MYH14: variants seen among roughly 807,000 people sequenced by gnomAD.
MYH14 encodes the protein myosin-14.
A neutral mutation model predicts 255.5 loss-of-function variants in MYH14; 123 were observed. That is an observed-to-expected ratio of 0.48 (90% CI 0.42 to 0.56). The LOEUF (loss-of-function observed/expected upper bound fraction) is 0.56, where lower values mean the gene tolerates loss of function less well. Among genes scored for constraint, MYH14 ranks in the 20% least tolerant of loss-of-function variants. The probability of loss-of-function intolerance (pLI) is 0.00; values close to 1 mark genes in which losing one functional copy is unlikely to be tolerated. For synonymous variants in MYH14, 1,095 were observed against 1,161.2 expected (o/e 0.94, Z 1.16); for missense variants, 2,423 against 2,802.3 (o/e 0.86, Z 3.06).
chr19:50,278,379 C>G, intron 30 of MYH14, 90 bp downstream of exon 30: 1 of 944,206 alleles, frequency 1.1e-6, no homozygotes, highest in Admixed American at 2.9e-5. Context: ...CCATATCAAA[C>G]CAATTGTCTC....
chr19:50,297,491 C>CTTTTTTTTT lies in MYH14; in HGVS notation c.5469+3819_5469+3827dup, dbSNP rs869049808. On this transcript the variant is annotated intron_variant, in intron 39 of 42. Coordinates refer to ENST00000642316, the MANE Select transcript of MYH14 (RefSeq NM_001145809.2). ...TCTTTGTGGCTCTGTCTCATCTCCT[C>CTTTTTTTTT]TTTTTTTTTTTTTTTTTTTTTTTGA... 2.0e-3 allele frequency among the ~76,000 whole-genome samples: 145 copies of CTTTTTTTTT among 74,344 alleles called. 23 individuals are homozygous for CTTTTTTTTT. The highest frequency in any genetic ancestry group is 6.1e-3 in the Admixed American group (26 of 4,290). 48.8% of individuals were successfully genotyped at this position (74,344 alleles called of 152,430 possible). A position where few individuals can be genotyped will look rare whatever the true frequency, so the allele number is the denominator to read the frequency against.
chr19:50,244,218 T>A, intron 10 of MYH14, 24 bp from the exon 11 acceptor site: 1 of 1,609,344 alleles, frequency 6.2e-7, no homozygotes, highest in Non-Finnish European at 8.5e-7. Flanking sequence ...GAGCCACACG[T>A]GACCTCTGTC....
At chr19:50,294,433 AATTT>A (rs1568549261) in intron 39 of MYH14, among the ~76,000 whole-genome samples, 3 of 106,106 alleles carry the variant, frequency 2.8e-5, no homozygotes, top group African/African-American at 8.9e-5. Flanking sequence ...GTTTTTTTCT[AATTT>A]TTTTTTTTTT....
chr19:50,208,959 G>C (rs1372460464), intron 1 of MYH14, among the ~76,000 whole-genome samples: 2 of 151,978 alleles, frequency 1.3e-5, no homozygotes, highest in East Asian at 3.9e-4. Context: ...TTTGAGACCA[G>C]TCTGGGCAAC....
chr19:50,217,031 G>A (rs555275025), intron 2 of MYH14, among the ~76,000 whole-genome samples: 12 of 151,864 alleles, frequency 7.9e-5, no homozygotes, highest in African/African-American at 2.2e-4. Context: ...GGCTGGGCTC[G>A]AACTCCTGAC....
chr19:50,309,135 A>G lies in MYH14; in HGVS notation c.5918A>G (p.Glu1973Gly). The G allele has an allele frequency of 6.2e-7, 1 of 1,613,886 alleles. No homozygotes were observed. The highest frequency in any genetic ancestry group is 8.5e-7 in the Non-Finnish European group (1 of 1,179,824). Residue 1973 changes from glutamate (E) to glycine (G), a missense_variant, in exon 42 of 43, where the codon GAG (glutamate) becomes GGG (glycine). Around this residue, in one of 3 missense-constraint regions of MYH14, gnomAD observed 1,513 missense variants for 1,674.8 expected, o/e 0.90. Coordinates refer to ENST00000642316, the MANE Select transcript of MYH14 (RefSeq NM_001145809.2). ...CTGGAAGATGTCACAGAGTCGGCCG[A>G]GTCCATGAACCGTGAAGTGACCACA... is the stretch of plus-strand genomic sequence containing the variant. ...RELEDVTESA[E>G]SMNREVTTLR...
chr19:50,279,501 C>A (rs146718688), intron 30 of MYH14, among the ~76,000 whole-genome samples: 1 of 152,010 alleles, frequency 6.6e-6, no homozygotes, highest in African/African-American at 2.4e-5. Flanking sequence ...GGTGTGGTGG[C>A]GCATGCCTGT....
chr19:50,274,668 C>A (rs911422900), intron 27 of MYH14, among the ~76,000 whole-genome samples: 2 of 152,272 alleles, frequency 1.3e-5, no homozygotes, highest in South Asian at 4.1e-4. Flanking sequence ...CAGTGACTCA[C>A]GCCATAATCC....
Position 50,310,307 on chromosome 19 carries a change from C to G in MYH14, c.*517C>G, listed in dbSNP as rs947914355. Reference sequence around the variant, plus strand: ...CTCTACGTAGCCACTCTCCTTCCCCCATTTCTGCGTCCACCCCTGAACTCC... The same window carrying G: ...CTCTACGTAGCCACTCTCCTTCCCCGATTTCTGCGTCCACCCCTGAACTCC... On this transcript the variant is annotated 3_prime_UTR_variant, in exon 43 of 43. Coordinates refer to ENST00000642316, the MANE Select transcript of MYH14 (RefSeq NM_001145809.2). 5.7e-6 allele frequency: 1 copy of G among 174,196 alleles called. No homozygotes were observed. The highest frequency in any genetic ancestry group is 1.2e-5 in the Non-Finnish European group (1 of 83,332). 10.8% of individuals were successfully genotyped at this position (174,196 alleles called of 1,614,324 possible).
Position 50,230,559 on chromosome 19 carries a change from C to T in MYH14, c.909C>T (p.Ala303=), listed in dbSNP as rs199682956. The T allele has an allele frequency of 1.1e-4, 166 of 1,570,978 alleles. 1 individual carries two copies. The East Asian group carries it at 3.9e-3, about 37-fold the overall frequency. The change falls in exon 9 of 43, where the codon GCC becomes GCT. Residue 303 remains alanine (A), a synonymous_variant. Transcript: ENST00000642316. The surrounding 1 kb of genome is among the most constrained non-coding windows in gnomAD (Gnocchi z 4.7). ...AGAAGTCGCGGGCCATCCGCCAGGC[C>T]AAGGACGAGTGCAGCTTCCACATCT... The part of the protein sequence containing the change: ...LLEKSRAIRQ[A]KDECSFHIFY...
In MYH14 at chr19:50,249,075, G is replaced by A. The variant is rs199812021; in HGVS notation, c.1418G>A (p.Arg473His). ...CTGCGCCTCAACCGGGCCTTGGACC[G>A]CAGCCCCCGCCAAGGCGCCTCCTTC... ...LVLRLNRALD[R>H]SPRQGASFLG... is the part of the protein sequence containing the mutation. The change falls in exon 13 of 43, where the codon CGC becomes CAC. Residue 473 changes from arginine (R) to histidine (H), a missense_variant. By Grantham distance (29) the Arg-to-His change is conservative. Around this residue, in one of 3 missense-constraint regions of MYH14, gnomAD observed 672 missense variants for 881.8 expected, o/e 0.76. Transcript: ENST00000642316. 2.1e-5 allele frequency: 34 copies of A among 1,606,432 alleles called. No individual in the cohort carries two copies. The highest frequency in any genetic ancestry group is 4.5e-5 in the South Asian group (4 of 89,486).
rs2034343222 is a variant in MYH14, at chr19:50,250,807, G to C, written c.1830+119G>C. On this transcript the variant is annotated intron_variant, in intron 15 of 42. Transcript: ENST00000642316. This position sits in a 1 kb window ranked among gnomAD's most constrained non-coding sequence, Gnocchi z 5.4. ...GGTCCTCCTGAGGTCCAGACAAACA[G>C]AGCAGGGGCTAGGAGAGCCCAGGGA... 2 of 1,088,792 alleles carry C rather than the reference G, an allele frequency of 1.8e-6. No homozygotes were observed. The highest frequency in any genetic ancestry group is 2.5e-5 in the Admixed American group (1 of 40,710). The allele number at this position is 1,088,792 out of a possible 1,614,324, so 67.4% of individuals were successfully genotyped here.
intron 10 of MYH14, among the ~76,000 whole-genome samples, chr19:50,238,618 A>G (rs2123263975): frequency 6.6e-6 from 1 of 151,936 alleles, no homozygotes; most frequent in African/African-American, 2.4e-5. Context: ...CACCCAGCTT[A>G]TATTTTGCAT....
intron 1 of MYH14, among the ~76,000 whole-genome samples, chr19:50,204,794 C>T (rs2123130768): frequency 6.6e-6 from 1 of 152,110 alleles, no homozygotes; most frequent in South Asian, 2.1e-4. Context: ...ACTCGGGAGG[C>T]TGAGCAGGGA....
At chr19:50,209,820 G>A (rs1337421263) in intron 1 of MYH14, among the ~76,000 whole-genome samples, 17 of 146,072 alleles carry the variant, frequency 1.2e-4, no homozygotes, top group Non-Finnish European at 1.6e-4. Flanking sequence ...AGCCGGGGCC[G>A]GGTGTGGTAG....
Position 50,223,243 on chromosome 19 carries a change from A to C in MYH14, c.591-4A>C. On this transcript the variant is annotated splice_region_variant and splice_polypyrimidine_tract_variant and intron_variant, in intron 4 of 42. Coordinates refer to ENST00000642316, the MANE Select transcript of MYH14 (RefSeq NM_001145809.2). ...CCCTTTGCTTCCCCTTGTCATCCCC[A>C]CAGTGGAGAGTCTGGAGCTGGGAAG... 6.2e-7 allele frequency: 1 copy of C among 1,613,522 alleles called. No individual in the cohort carries two copies. Among genetic ancestry groups the C allele is most frequent in the Non-Finnish European group, 8.5e-7 (1 of 1,179,568 alleles).
intron 39 of MYH14, among the ~76,000 whole-genome samples, chr19:50,298,789 T>TA (rs2036373698): frequency 1.3e-5 from 2 of 148,978 alleles, no homozygotes; most frequent in African/African-American, 4.9e-5. Flanking sequence ...AATTCACAAA[T>TA]AAGACAGAAA....
intron 3 of MYH14, among the ~76,000 whole-genome samples, chr19:50,218,059 T>C (rs963122743): frequency 3.9e-5 from 6 of 151,904 alleles, no homozygotes; most frequent in Non-Finnish European, 8.8e-5. Flanking sequence ...TGCAGTGGCA[T>C]GATCTTGGCT....
At chr19:50,218,844 G>T (rs1366456774) in intron 3 of MYH14, among the ~76,000 whole-genome samples, 3 of 151,680 alleles carry the variant, frequency 2.0e-5, no homozygotes, top group Admixed American at 2.0e-4. Context: ...CCACTTACAA[G>T]TGAGAACATA....
Sources: gnomAD v4.1 joint callset for allele counts (sites outside exome capture counted in the v4.1 genomes callset) on GRCh38, gnomAD v4.1.1 for gene constraint, gnomAD v4.1.1 regional missense constraint, Gnocchi (gnomAD v3.1) non-coding constraint, MANE v1.5 for transcripts, NCBI Gene and HGNC (gene_info 2026-07-23, HGNC 2026-07-21) for gene names.